Variants in ANKS1A observed in about 807,000 individuals in gnomAD.
ANKS1A encodes ankyrin repeat and sterile alpha motif domain containing 1A, also known as ankyrin repeat and SAM domain-containing protein 1A.
ANKS1A carries 55 observed loss-of-function variants against 120.3 expected under a neutral mutation model. That is an observed-to-expected ratio of 0.46 (90% CI 0.37 to 0.57). ANKS1A has a LOEUF of 0.57. Ranked by LOEUF, ANKS1A falls within the 20% of genes least tolerant of loss-of-function variation. ANKS1A has a pLI of 0.00. For missense variants in ANKS1A, 1,123 were observed against 1,480.3 expected (o/e 0.76, Z 3.96); for synonymous variants, 590 against 604.7 (o/e 0.98, Z 0.36).
intron 1 of ANKS1A, among the ~76,000 whole-genome samples, chr6:34,914,370 A>C (rs1032418921): frequency 6.9e-6 from 1 of 145,800 alleles, no homozygotes; most frequent in East Asian, 2.4e-4. Context: ...AATTTAAACA[A>C]TATTAATTAA....
At chr6:34,929,281 G>A (rs1177086807) in intron 1 of ANKS1A, among the ~76,000 whole-genome samples, 2 of 152,060 alleles carry the variant, frequency 1.3e-5, no homozygotes, top group Non-Finnish European at 2.9e-5. Flanking sequence ...TACATTTTAT[G>A]TACTTTTGAC....
At chr6:35,046,013 A>G (rs1440709454) in intron 11 of ANKS1A, among the ~76,000 whole-genome samples, 1 of 152,214 alleles carries the variant, frequency 6.6e-6, no homozygotes, top group African/African-American at 2.4e-5. Flanking sequence ...TTGAAGGTGT[A>G]TTTGATTTTC....
intron 1 of ANKS1A, among the ~76,000 whole-genome samples, chr6:34,900,412 C>T (rs145062830): frequency 2.3e-4 from 35 of 152,078 alleles, no homozygotes; most frequent in African/African-American, 7.5e-4. Context: ...AAGCACTTTA[C>T]AAGTATTAAC....
downstream of ANKS1A, chr6:35,091,410 T>G: frequency 1.0e-6 from 1 of 985,488 alleles, no homozygotes; most frequent in Non-Finnish European, 1.2e-6. Flanking sequence ...GAACGCAGCC[T>G]TAATTCTTCT....
At chr6:34,986,092 A>G (rs908084847) in intron 8 of ANKS1A, among the ~76,000 whole-genome samples, 27 of 152,214 alleles carry the variant, frequency 1.8e-4, no homozygotes, top group Admixed American at 3.9e-4. Flanking sequence ...AAATCATCTA[A>G]CATAAAGGCT....
intron 11 of ANKS1A, among the ~76,000 whole-genome samples, chr6:35,046,933 C>T (rs552885520): frequency 3.9e-5 from 6 of 152,206 alleles, no homozygotes; most frequent in African/African-American, 1.4e-4. Flanking sequence ...CTCACCCAGC[C>T]TCTTCTGGTA....
At chr6:34,962,648 G>A (rs1418332520) in intron 1 of ANKS1A, among the ~76,000 whole-genome samples, 11 of 151,770 alleles carry the variant, frequency 7.2e-5, no homozygotes, top group African/African-American at 1.9e-4. Context: ...AATTAGCCAG[G>A]CATGGTGGCA....
intron 17 of ANKS1A, 82 bp downstream of exon 17, chr6:35,081,240 C>T (rs967750050): frequency 2.1e-6 from 3 of 1,454,672 alleles, no homozygotes; most frequent in Non-Finnish European, 2.7e-6. Context: ...CCACCTGCTG[C>T]CCCATACTTG....
chr6:34,900,176 T>A (rs542172584), intron 1 of ANKS1A, among the ~76,000 whole-genome samples: 23 of 152,304 alleles, frequency 1.5e-4, no homozygotes, highest in African/African-American at 5.3e-4. Context: ...GAGGTTAAAG[T>A]GACTAGCCCA....
chr6:34,960,527 C>A (rs1490958917), intron 1 of ANKS1A, among the ~76,000 whole-genome samples: 3 of 152,128 alleles, frequency 2.0e-5, no homozygotes, highest in African/African-American at 7.2e-5. Context: ...TGGGCTGTTT[C>A]TATTCATCAA....
At position 35,084,259 on chromosome 6, in the gene ANKS1A, G is replaced by A; in HGVS notation, c.3132+1G>A. ...CCATGTGTTCAGCACCGTGGATGTG[G>A]TGGGTGGGGTCCTGGGGCCGGGTGG... On this transcript the variant is annotated splice_donor_variant, in intron 21 of 23. Coordinates refer to ENST00000360359, the MANE Select transcript of ANKS1A (RefSeq NM_015245.3). LOFTEE classifies it high-confidence loss of function. The surrounding 1 kb of genome is among the most constrained non-coding windows in gnomAD (Gnocchi z 4.8). 1 of 1,613,942 alleles carries A rather than the reference G, an allele frequency of 6.2e-7. No homozygotes were observed. Among genetic ancestry groups the A allele is most frequent in the Non-Finnish European group, 8.5e-7 (1 of 1,179,958 alleles).
chr6:35,051,641 A>G (rs966939116), intron 11 of ANKS1A, among the ~76,000 whole-genome samples: 3 of 152,214 alleles, frequency 2.0e-5, no homozygotes, highest in African/African-American at 7.2e-5. Context: ...GTGACAAGGC[A>G]AATAAAATAC....
In ANKS1A at chr6:35,086,441, C is replaced by T; in HGVS notation, c.3303+505C>T. Reference sequence around the variant, plus strand: ...CGTGAGCGCTCTTAGCCTCTGGCGGCCTCTCCCTCTGCCTGTGTGACATTC... The same window carrying T: ...CGTGAGCGCTCTTAGCCTCTGGCGGTCTCTCCCTCTGCCTGTGTGACATTC... On this transcript the variant is annotated intron_variant, in intron 22 of 23. Coordinates refer to ENST00000360359, the MANE Select transcript of ANKS1A (RefSeq NM_015245.3). The surrounding 1 kb of genome is among the most constrained non-coding windows in gnomAD (Gnocchi z 5.1). The T allele has an allele frequency of 2.8e-6, 3 of 1,057,584 alleles. No individual in the cohort carries two copies. Among genetic ancestry groups the T allele is most frequent in the South Asian group, 1.3e-5 (1 of 76,144 alleles). The allele number at this position is 1,057,584 out of a possible 1,614,324, so 65.5% of individuals were successfully genotyped here.
Position 35,085,636 on chromosome 6 carries a change from A to C in ANKS1A, c.3133-130A>C. ...AAGAGTAAAGGAGGGAAAGGAGGGA[A>C]GAGTGGAAGGAGGTAGGAGCGCTCC... On this transcript the variant is annotated intron_variant, in intron 21 of 23. Coordinates refer to ENST00000360359, the MANE Select transcript of ANKS1A (RefSeq NM_015245.3). The surrounding 1 kb of genome is among the most constrained non-coding windows in gnomAD (Gnocchi z 4.7). The C allele has an allele frequency of 1.7e-4, 133 of 762,232 alleles. No individual in the cohort carries two copies. The highest frequency in any genetic ancestry group is 2.5e-4 in the Middle Eastern group (1 of 4,032). The allele number at this position is 762,232 out of a possible 1,614,324, so 47.2% of individuals were successfully genotyped here.
intron 12 of ANKS1A, among the ~76,000 whole-genome samples, chr6:35,054,680 A>T (rs1776121857): frequency 6.6e-6 from 1 of 152,108 alleles, no homozygotes; most frequent in Admixed American, 6.5e-5. Flanking sequence ...ATCACTTACC[A>T]TTCTTACACT....
At chr6:34,967,127 T>C (rs1291176594) in intron 1 of ANKS1A, 112 bp from the exon 2 acceptor site, 3 of 972,852 alleles carry the variant, frequency 3.1e-6, no homozygotes, top group Non-Finnish European at 4.7e-6. Flanking sequence ...AAGTAACTGG[T>C]CTGGTTGAAC....
At chr6:35,024,799 G>A (rs1439097022) in intron 11 of ANKS1A, among the ~76,000 whole-genome samples, 2 of 152,194 alleles carry the variant, frequency 1.3e-5, no homozygotes, top group Non-Finnish European at 2.9e-5. Context: ...ACTCCATAGA[G>A]GCTTTGGCTG....
intron 1 of ANKS1A, among the ~76,000 whole-genome samples, chr6:34,919,514 T>TTTGCCTCTAG (rs780071573): frequency 6.6e-6 from 1 of 152,258 alleles, no homozygotes; most frequent in Non-Finnish European, 1.5e-5. Flanking sequence ...TCTAGACCTC[T>TTTGCCTCTAG]ACACATGCCT....
At chr6:35,018,678 G>T (rs1211073509) in intron 11 of ANKS1A, among the ~76,000 whole-genome samples, 1 of 151,990 alleles carries the variant, frequency 6.6e-6, no homozygotes, top group Non-Finnish European at 1.5e-5. Context: ...TAGTTTTTCA[G>T]CCCTTGCCCC....
Sources: allele counts gnomAD v4.1 joint callset (sites outside exome capture counted in the v4.1 genomes callset), GRCh38; gene constraint gnomAD v4.1.1; non-coding constraint Gnocchi (gnomAD v3.1); transcripts MANE v1.5; gene names NCBI Gene and HGNC (gene_info 2026-07-23, HGNC 2026-07-21).